THSD7A: variants seen among roughly 807,000 people sequenced by gnomAD.
The protein encoded by THSD7A is thrombospondin type 1 domain containing 7A.
THSD7A carries 96 observed loss-of-function variants against 231.3 expected under a neutral mutation model. The ratio of observed to expected loss-of-function variants is 0.41; its 90% confidence interval spans 0.35 to 0.49. The LOEUF is 0.49. Among genes scored for constraint, THSD7A ranks in the 20% least tolerant of loss-of-function variants. The pLI is 0.05. For synonymous variants in THSD7A, 940 were observed against 743.3 expected (o/e 1.26, Z -4.30); for missense variants, 2,290 against 2,070.2 (o/e 1.11, Z -2.06).
At chr7:11,550,518 A>G (rs557633876) in intron 4 of THSD7A, among the ~76,000 whole-genome samples, 7 of 152,194 alleles carry the variant, frequency 4.6e-5, no homozygotes, top group Admixed American at 2.0e-4. Flanking sequence ...AGTTCTCACA[A>G]TATCTGGTGG....
rs1784957109 is a variant in THSD7A, at chr7:11,446,010, C to T, written c.3064+51G>A. ...TTCCACTATGATGCGTGTGCATTTT[C>T]CCTCCACACTCCCGAAGATAGCAAA... On this transcript the variant is annotated intron_variant, in intron 13 of 27. Coordinates refer to ENST00000423059, the MANE Select transcript of THSD7A (RefSeq NM_015204.3). This position sits in a 1 kb window ranked among gnomAD's most constrained non-coding sequence, Gnocchi z 4.0. 23 of 1,601,974 alleles carry T rather than the reference C, an allele frequency of 1.4e-5. No homozygotes were observed. In the South Asian group the frequency reaches 2.6e-4, roughly 18 times the overall value.
chr7:11,688,333 G>A (rs1780126072), intron 1 of THSD7A, among the ~76,000 whole-genome samples: 2 of 151,704 alleles, frequency 1.3e-5, no homozygotes, highest in South Asian at 2.1e-4. Flanking sequence ...CCAGTTACTG[G>A]GAATTTCTAG....
At chr7:11,452,696 G>A (rs369893154) in intron 11 of THSD7A, among the ~76,000 whole-genome samples, 1 of 151,944 alleles carries the variant, frequency 6.6e-6, no homozygotes, top group South Asian at 2.1e-4. Context: ...ACCCAGCACG[G>A]TGCCAAGCTT....
intron 6 of THSD7A, among the ~76,000 whole-genome samples, chr7:11,506,836 C>T (rs754351749): frequency 1.3e-5 from 2 of 152,134 alleles, no homozygotes; most frequent in Non-Finnish European, 2.9e-5. Flanking sequence ...CCTAGAGAGT[C>T]TTTGCATGAC....
intron 6 of THSD7A, among the ~76,000 whole-genome samples, chr7:11,506,941 T>C (rs747945257): frequency 5.3e-5 from 8 of 152,194 alleles, no homozygotes; most frequent in Non-Finnish European, 7.4e-5. Context: ...TCTTTTTGTG[T>C]GTTTATTTTC....
At chr7:11,744,839 C>G (rs1352625506) in intron 1 of THSD7A, among the ~76,000 whole-genome samples, 1 of 152,052 alleles carries the variant, frequency 6.6e-6, no homozygotes, top group Non-Finnish European at 1.5e-5. Context: ...TCCAGTCTAT[C>G]ATTTTTTGGA....
intron 1 of THSD7A, among the ~76,000 whole-genome samples, chr7:11,795,520 C>A (rs1784097636): frequency 6.6e-6 from 1 of 151,862 alleles, no homozygotes; most frequent in South Asian, 2.1e-4. Flanking sequence ...ACTTCAAAAT[C>A]TAGTACAATT....
intron 1 of THSD7A, among the ~76,000 whole-genome samples, chr7:11,648,569 C>T (rs1015230100): frequency 1.3e-5 from 2 of 150,932 alleles, no homozygotes; most frequent in Non-Finnish European, 2.9e-5. Context: ...ACAACTCCAG[C>T]CAAAAAGTTA....
chr7:11,552,277 A>C (rs779082593), intron 4 of THSD7A, among the ~76,000 whole-genome samples: 1 of 152,050 alleles, frequency 6.6e-6, no homozygotes, highest in Non-Finnish European at 1.5e-5. Flanking sequence ...CCATTTACCC[A>C]TGTAACAAAC....
chr7:11,493,093 C>T (rs531679474), intron 6 of THSD7A, among the ~76,000 whole-genome samples: 1 of 152,158 alleles, frequency 6.6e-6, no homozygotes, highest in South Asian at 2.1e-4. Context: ...GCTGTCTCAG[C>T]GTTATTAACA....
chr7:11,524,614 C>G (rs989095542), intron 6 of THSD7A, among the ~76,000 whole-genome samples: 3 of 152,076 alleles, frequency 2.0e-5, no homozygotes, highest in African/African-American at 7.2e-5. Flanking sequence ...ATGTGGCTAG[C>G]CAGCCGGAAA....
chr7:11,792,703 C>T (rs1055202616), intron 1 of THSD7A, among the ~76,000 whole-genome samples: 9 of 151,748 alleles, frequency 5.9e-5, no homozygotes, highest in South Asian at 4.2e-4. Context: ...CCAAAGCAAA[C>T]GAAACAAATA....
At chr7:11,541,663 T>C in intron 5 of THSD7A, 32 bp from the exon 6 acceptor site, 1 of 1,587,686 alleles carries the variant, frequency 6.3e-7, no homozygotes, top group Non-Finnish European at 8.6e-7. Flanking sequence ...AATCTATTGT[T>C]ACTATCAAAG....
At chr7:11,703,413 G>A in intron 1 of THSD7A, among the ~76,000 whole-genome samples, 1 of 151,074 alleles carries the variant, frequency 6.6e-6, no homozygotes, top group East Asian at 2.0e-4. Context: ...CCCAATAAGT[G>A]GCAGCATCAG....
chr7:11,408,558 T>A lies in THSD7A; in HGVS notation c.3799-1135A>T, dbSNP rs531716948. Among the ~76,000 whole-genome samples, 22 of 152,104 alleles carry A rather than the reference T, an allele frequency of 1.4e-4. No homozygotes were observed. In the East Asian group the frequency reaches 4.0e-3, roughly 28 times the overall value. On this transcript the variant is annotated intron_variant, in intron 19 of 27. Transcript: ENST00000423059. ...GAAATAGGAAAATGTAAGAGCTTGT[T>A]AGGAGAATATAAGTTTTTAAAACTA...
chr7:11,514,591 A>G (rs944254401), intron 6 of THSD7A, among the ~76,000 whole-genome samples: 1 of 152,112 alleles, frequency 6.6e-6, no homozygotes, highest in African/African-American at 2.4e-5. Context: ...TATATTTTCT[A>G]TTTATTTAAT....
At position 11,728,582 on chromosome 7, in the gene THSD7A, C is replaced by G. The variant is rs138945463; in HGVS notation, c.191-91621G>C. ...GGGTAGAAGACAATGACAATCTAGC[C>G]ATAGCTAATGAGAAATTGATAAAAA... On this transcript the variant is annotated intron_variant, in intron 1 of 27. Transcript: ENST00000423059. Among the ~76,000 whole-genome samples, 870 of 151,912 alleles carry G rather than the reference C, an allele frequency of 5.7e-3. 7 individuals carry two copies. The highest frequency in any genetic ancestry group is 0.02 in the African/African-American group (836 of 41,508).
intron 1 of THSD7A, among the ~76,000 whole-genome samples, chr7:11,779,046 G>C (rs1329091123): frequency 2.0e-5 from 3 of 151,978 alleles, no homozygotes; most frequent in Non-Finnish European, 4.4e-5. Context: ...TGATTTCCTA[G>C]GTTAAGTCTC....
chr7:11,407,448 A>G (rs761422982), intron 19 of THSD7A, 25 bp from the exon 20 acceptor site: 1 of 1,570,432 alleles, frequency 6.4e-7, no homozygotes, highest in Admixed American at 1.7e-5. Flanking sequence ...GTAGATCAGG[A>G]TGTATATTGT....
Sources: allele counts gnomAD v4.1 joint callset (sites outside exome capture counted in the v4.1 genomes callset), GRCh38; gene constraint gnomAD v4.1.1; non-coding constraint Gnocchi (gnomAD v3.1); transcripts MANE v1.5; gene names NCBI Gene and HGNC (gene_info 2026-07-23, HGNC 2026-07-21).